Variants in TATDN1 observed in about 807,000 individuals in gnomAD.
TATDN1 encodes the protein TatD DNase domain containing 1.
A neutral mutation model predicts 46.4 loss-of-function variants in TATDN1; 40 were observed. That is an observed-to-expected ratio of 0.86 (90% confidence interval 0.67 to 1.12). The LOEUF is 1.12. Ranked by LOEUF, TATDN1 falls within the 50% of genes most tolerant of loss-of-function variation. The pLI, the probability that TATDN1 is intolerant of heterozygous loss-of-function variation, is 0.00. For missense variants in TATDN1, 326 were observed against 348.4 expected, an observed-to-expected ratio of 0.94 and a Z score of 0.51; for synonymous variants, 95 against 105.6, an observed-to-expected ratio of 0.90 and a Z score of 0.62.
chr8:124,495,340 A>G (rs1041855049), intron 10 of TATDN1, 132 bp downstream of exon 10: 5 of 680,676 alleles, frequency 7.3e-6, no homozygotes, highest in South Asian at 5.3e-5. Context: ...TCTGGAAAAC[A>G]TAATTGTTGA....
At chr8:124,491,278 A>G (rs962129835) in intron 11 of TATDN1, 6 of 152,108 alleles carry the variant, frequency 3.9e-5, no homozygotes, top group Non-Finnish European at 7.3e-5. Context: ...GGCTCACTCT[A>G]CCTTCCCAGA....
chr8:124,535,735 A>G (rs959932004), intron 1 of TATDN1, among the ~76,000 whole-genome samples: 3 of 152,176 alleles, frequency 2.0e-5, no homozygotes, highest in African/African-American at 7.2e-5. Context: ...AGACTGGGTG[A>G]TTTATAAAGA....
intron 6 of TATDN1, among the ~76,000 whole-genome samples, chr8:124,513,188 T>C (rs965819735): frequency 2.6e-5 from 4 of 152,120 alleles, no homozygotes; most frequent in African/African-American, 4.8e-5. Flanking sequence ...GCTGGAATTA[T>C]AGGCATGAAC....
intron 11 of TATDN1, chr8:124,491,123 C>T (rs1348832249): frequency 6.6e-6 from 1 of 152,106 alleles, no homozygotes; most frequent in Non-Finnish European, 1.5e-5. Context: ...CTACATGATT[C>T]CTACCCTATC....
chr8:124,527,997 A>G (rs748359679), intron 1 of TATDN1, among the ~76,000 whole-genome samples: 13 of 152,270 alleles, frequency 8.5e-5, no homozygotes, highest in African/African-American at 2.4e-4. Context: ...CAGTCCTATT[A>G]TAAGTAATTT....
chr8:124,539,072 C>A lies in TATDN1; in HGVS notation c.-26G>T. 6.2e-7 allele frequency: 1 copy of A among 1,611,958 alleles called. No homozygotes were observed. Among genetic ancestry groups the A allele is most frequent in the Admixed American group, 1.7e-5 (1 of 59,970 alleles). On this transcript the variant is annotated 5_prime_UTR_variant, in exon 1 of 12. Coordinates refer to ENST00000276692, the MANE Select transcript of TATDN1 (RefSeq NM_032026.4). ...GACTGCGCATGGAGGACCTCCCCAG[C>A]GGAAGCGGAAGTGGCCGCCGGCAAC... is the stretch of plus-strand genomic sequence containing the variant.
intron 9 of TATDN1, 82 bp downstream of exon 9, chr8:124,504,189 T>C: frequency 9.8e-7 from 1 of 1,015,600 alleles, no homozygotes; most frequent in Non-Finnish European, 1.5e-6. Context: ...TGAAAATAAA[T>C]CTTCATCAGC....
At chr8:124,533,895 C>G (rs1330824038) in intron 1 of TATDN1, among the ~76,000 whole-genome samples, 1 of 151,860 alleles carries the variant, frequency 6.6e-6, no homozygotes, top group African/African-American at 2.4e-5. Context: ...GCCTATAATC[C>G]CAGCACTTTG....
At chr8:124,522,352 G>T in intron 2 of TATDN1, 152 bp from the exon 3 acceptor site, 2 of 643,696 alleles carry the variant, frequency 3.1e-6, no homozygotes, top group African/African-American at 1.9e-5. Context: ...TATTATAAAT[G>T]TTCATGATCA....
intron 3 of TATDN1, among the ~76,000 whole-genome samples, chr8:124,519,554 A>C (rs1451862775): frequency 6.6e-6 from 1 of 152,180 alleles, no homozygotes; most frequent in Non-Finnish European, 1.5e-5. Context: ...GTTATCCAGT[A>C]GTTTCTTATT....
intron 9 of TATDN1, 150 bp from the exon 10 acceptor site, chr8:124,495,692 A>G: frequency 5.0e-6 from 3 of 602,982 alleles, no homozygotes; most frequent in South Asian, 4.3e-5. Flanking sequence ...GCACACCTCC[A>G]TACTTCAACA....
At chr8:124,517,460 T>C (rs1005353426) in intron 4 of TATDN1, among the ~76,000 whole-genome samples, 2 of 150,542 alleles carry the variant, frequency 1.3e-5, no homozygotes, top group African/African-American at 4.9e-5. Flanking sequence ...TGTGAATGGA[T>C]CCTAAAAGAC....
chr8:124,531,942 C>T (rs773007002), intron 1 of TATDN1, among the ~76,000 whole-genome samples: 2 of 152,126 alleles, frequency 1.3e-5, no homozygotes, highest in African/African-American at 2.4e-5. Context: ...TTTGGACCTT[C>T]CTGTAATTTT....
At chr8:124,536,668 G>T (rs1821452481) in intron 1 of TATDN1, among the ~76,000 whole-genome samples, 1 of 152,146 alleles carries the variant, frequency 6.6e-6, no homozygotes, top group South Asian at 2.1e-4. Flanking sequence ...AAAATCTAAG[G>T]TAATTTTCAT....
rs1227640760 is a variant in TATDN1 at position 124,508,597 on chromosome 8, A to T, written c.475+6T>A. The T allele has an allele frequency of 3.1e-6, 5 of 1,606,538 alleles. No homozygotes were observed. The highest frequency in any genetic ancestry group is 3.4e-6 in the Non-Finnish European group (4 of 1,176,792). On this transcript the variant is annotated splice_donor_region_variant and intron_variant, in intron 7 of 11. Coordinates refer to ENST00000276692, the MANE Select transcript of TATDN1 (RefSeq NM_032026.4). ...AGTTCTGAATGAGACTTTGGTTTTA[A>T]CTCACCCAAAAATTCAGCATGTGAG...
chr8:124,519,718 T>C (rs1307879657), intron 3 of TATDN1, among the ~76,000 whole-genome samples: 4 of 152,220 alleles, frequency 2.6e-5, no homozygotes, highest in Admixed American at 1.3e-4. Context: ...AGTGAGTTAA[T>C]GCATGCTAAT....
chr8:124,512,972 T>C (rs1299572804), intron 6 of TATDN1, among the ~76,000 whole-genome samples: 1 of 152,022 alleles, frequency 6.6e-6, no homozygotes, highest in African/African-American at 2.4e-5. Context: ...TGGAGTCCAA[T>C]GTCACGATCT....
chr8:124,495,391 T>C (rs1817377113), intron 10 of TATDN1, 81 bp downstream of exon 10: 1 of 1,050,016 alleles, frequency 9.5e-7, no homozygotes, highest in East Asian at 2.5e-5. Flanking sequence ...CACTTAAAGT[T>C]TGAAGTCAAA....
At chr8:124,495,985 C>CT (rs1817436881) in intron 9 of TATDN1, among the ~76,000 whole-genome samples, 1 of 152,218 alleles carries the variant, frequency 6.6e-6, no homozygotes, top group Admixed American at 6.5e-5. Context: ...AGGATGAACT[C>CT]TATTCCTTGA....
Sources: allele counts gnomAD v4.1 joint callset (sites outside exome capture counted in the v4.1 genomes callset), GRCh38; gene constraint gnomAD v4.1.1; transcripts MANE v1.5; gene names NCBI Gene and HGNC (gene_info 2026-07-23, HGNC 2026-07-21).